SHISA9: variants seen among roughly 807,000 people sequenced by gnomAD.
The protein encoded by SHISA9 is shisa family member 9, also known as protein shisa-9.
In SHISA9, 13 loss-of-function variants were observed where a neutral mutation model predicts 38.0. That is an observed-to-expected ratio of 0.34 (90% confidence interval 0.22 to 0.54). SHISA9 has a LOEUF of 0.54. SHISA9 is among the 20% of genes least tolerant of loss of function. The probability of loss-of-function intolerance (pLI) is 0.91; values close to 1 mark genes in which losing one functional copy is unlikely to be tolerated. For synonymous variants in SHISA9, 275 were observed against 242.0 expected, an observed-to-expected ratio of 1.14 and a Z score of -1.27; for missense variants, 538 against 575.8, an observed-to-expected ratio of 0.93 and a Z score of 0.67.
In SHISA9 at chr16:13,184,558, C is replaced by T. The variant is rs192245858; in HGVS notation, c.692-18836C>T. Among the ~76,000 whole-genome samples, 192 of 152,252 alleles carry T rather than the reference C, an allele frequency of 1.3e-3. 1 individual carries two copies. The highest frequency in any genetic ancestry group is 4.4e-3 in the African/African-American group (182 of 41,534). On this transcript the variant is annotated intron_variant, in intron 2 of 4. Coordinates refer to ENST00000558583, the MANE Select transcript of SHISA9 (RefSeq NM_001145204.3). ...CAAATGCGTAGAGTGCTGTAACTAC[C>T]GCTGCAATCAAGACACAAAGTAGTT...
chr16:13,281,767 A>G, the SHISA9 span, among the ~76,000 whole-genome samples: 1 of 151,232 alleles, frequency 6.6e-6, no homozygotes, highest in Non-Finnish European at 1.5e-5. Flanking sequence ...TTAATGTACA[A>G]TTTTTGCTTT....
chr16:12,948,728 C>T (rs2071717733), intron 2 of SHISA9, among the ~76,000 whole-genome samples: 2 of 152,166 alleles, frequency 1.3e-5, no homozygotes, highest in Non-Finnish European at 2.9e-5. Context: ...CTGAAGGCCC[C>T]ACTTCTTAAT....
chr16:13,003,789 C>T (rs539154563), intron 2 of SHISA9, among the ~76,000 whole-genome samples: 6 of 152,034 alleles, frequency 3.9e-5, no homozygotes, highest in Non-Finnish European at 2.9e-5. Context: ...AGCCAGGAGG[C>T]GGAGGTTGCA....
At chr16:13,133,431 G>A (rs2050322258) in intron 2 of SHISA9, among the ~76,000 whole-genome samples, 1 of 152,330 alleles carries the variant, frequency 6.6e-6, no homozygotes, top group South Asian at 2.1e-4. Context: ...TCATTGCCCA[G>A]TGGTGTCTTT....
At chr16:13,464,640 G>T in the SHISA9 span, among the ~76,000 whole-genome samples, 1 of 152,076 alleles carries the variant, frequency 6.6e-6, no homozygotes, top group Non-Finnish European at 1.5e-5. Flanking sequence ...CCTGATTAGA[G>T]CAACCGGAAA....
At chr16:12,972,120 A>T (rs1193215476) in intron 2 of SHISA9, among the ~76,000 whole-genome samples, 4 of 150,602 alleles carry the variant, frequency 2.7e-5, no homozygotes, top group African/African-American at 9.9e-5. Context: ...AAATAAAAAT[A>T]AATAATGATA....
chr16:13,446,423 A>G, the SHISA9 span, among the ~76,000 whole-genome samples: 1 of 152,174 alleles, frequency 6.6e-6, no homozygotes, highest in Non-Finnish European at 1.5e-5. Flanking sequence ...CCCACAAGTC[A>G]CTTGTAGTCT....
At chr16:12,974,148 G>A (rs1006055765) in intron 2 of SHISA9, among the ~76,000 whole-genome samples, 2 of 152,090 alleles carry the variant, frequency 1.3e-5, no homozygotes, top group African/African-American at 2.4e-5. Context: ...CCTAGAGAAC[G>A]GCAATGAAGT....
At chr16:13,132,888 C>T (rs1567222726) in intron 2 of SHISA9, among the ~76,000 whole-genome samples, 1 of 152,204 alleles carries the variant, frequency 6.6e-6, no homozygotes, top group African/African-American at 2.4e-5. Flanking sequence ...ACTTCTAGAT[C>T]TTCCCCATGA....
At chr16:13,323,859 A>C in the SHISA9 span, among the ~76,000 whole-genome samples, 1 of 152,238 alleles carries the variant, frequency 6.6e-6, no homozygotes, top group East Asian at 1.9e-4. Context: ...ACAATTCAAG[A>C]TGAGATTTGG....
chr16:13,175,032 A>G (rs1262338583), intron 2 of SHISA9, among the ~76,000 whole-genome samples: 2 of 152,174 alleles, frequency 1.3e-5, no homozygotes, highest in South Asian at 2.1e-4. Context: ...AGAGCTGCCT[A>G]TCGGATGCTA....
At chr16:13,279,520 T>G in the SHISA9 span, among the ~76,000 whole-genome samples, 7 of 151,942 alleles carry the variant, frequency 4.6e-5, no homozygotes, top group African/African-American at 1.7e-4. Flanking sequence ...CATAAACTAG[T>G]CTCTGTTATT....
intron 2 of SHISA9, among the ~76,000 whole-genome samples, chr16:12,939,060 CCTCCTCTCCTTTCCTCTTCT>C (rs1320960813): frequency 6.6e-6 from 1 of 151,846 alleles, no homozygotes; most frequent in African/African-American, 2.4e-5. Context: ...TCTCCTCTCC[CCTCCTCTCCTTTCCTCTTCT>C]CTCCTCTCCT....
the SHISA9 span, among the ~76,000 whole-genome samples, chr16:13,356,077 G>A: frequency 8.5e-5 from 13 of 152,228 alleles, no homozygotes; most frequent in Non-Finnish European, 1.6e-4. Flanking sequence ...TGGCCACTGC[G>A]GTTCAGGCGT....
At chr16:13,502,299 A>G in the SHISA9 span, among the ~76,000 whole-genome samples, 1 of 152,180 alleles carries the variant, frequency 6.6e-6, no homozygotes, top group African/African-American at 2.4e-5. Context: ...CTGAGTACAT[A>G]TCATGCAGGA....
the SHISA9 span, among the ~76,000 whole-genome samples, chr16:13,425,837 A>G: frequency 1.3e-5 from 2 of 152,174 alleles, no homozygotes; most frequent in East Asian, 1.9e-4. Flanking sequence ...GTTTCTTCCT[A>G]GAGAAGATCC....
chr16:13,539,013 G>A, the SHISA9 span, among the ~76,000 whole-genome samples: 1 of 152,084 alleles, frequency 6.6e-6, no homozygotes, highest in Non-Finnish European at 1.5e-5. Context: ...ATTGGAAGGT[G>A]ATCACTGGAG....
chr16:13,081,666 C>G (rs922783588), intron 2 of SHISA9, among the ~76,000 whole-genome samples: 34 of 151,834 alleles, frequency 2.2e-4, no homozygotes, highest in African/African-American at 8.2e-4. Flanking sequence ...GAATGGATCT[C>G]AGGATATTTC....
At chr16:13,020,712 G>A (rs2072841974) in intron 2 of SHISA9, among the ~76,000 whole-genome samples, 1 of 152,114 alleles carries the variant, frequency 6.6e-6, no homozygotes, top group South Asian at 2.1e-4. Flanking sequence ...CGTATCCTTT[G>A]TATCTCCACC....
Sources: allele counts gnomAD v4.1 joint callset (sites outside exome capture counted in the v4.1 genomes callset), GRCh38; gene constraint gnomAD v4.1.1; transcripts MANE v1.5; gene names NCBI Gene and HGNC (gene_info 2026-07-23, HGNC 2026-07-21).